The following CSMD1 variants were observed in gnomAD, a reference collection of about 807,000 sequenced individuals.
CSMD1 encodes CUB and sushi domain-containing protein 1.
Under a neutral mutation model 417.5 loss-of-function variants are expected in CSMD1, and 213 were observed. The ratio of observed to expected loss-of-function variants is 0.51; its 90% CI spans 0.46 to 0.57. CSMD1 has a LOEUF of 0.57. CSMD1 is among the 20% of genes least tolerant of loss of function. CSMD1 has a pLI of 0.00. For missense variants in CSMD1, 6,923 were observed against 4,529.7 expected (o/e 1.53, Z -15.17); for synonymous variants, 2,862 against 1,736.8 (o/e 1.65, Z -16.11).
intron 3 of CSMD1, among the ~76,000 whole-genome samples, chr8:4,160,842 G>C (rs1322186105): frequency 6.6e-6 from 1 of 152,216 alleles, no homozygotes; most frequent in Non-Finnish European, 1.5e-5. Context: ...GGAACTTGAA[G>C]TTTCTAATAT....
At chr8:4,414,876 C>G (rs1554468235) in intron 3 of CSMD1, among the ~76,000 whole-genome samples, 1 of 152,110 alleles carries the variant, frequency 6.6e-6, no homozygotes, top group Non-Finnish European at 1.5e-5. Flanking sequence ...ATATGAGGTG[C>G]CATCTACTGG....
rs182725174 is a variant in CSMD1, at chr8:4,288,862, G to C, written c.415+131091C>G. Among the ~76,000 whole-genome samples the C allele has an allele frequency of 4.9e-4, 74 of 152,232 alleles. 2 individuals are homozygous for C. Among genetic ancestry groups the C allele is most frequent in the Admixed American group, 4.8e-3 (74 of 15,288 alleles). On this transcript the variant is annotated intron_variant, in intron 3 of 69. Coordinates refer to ENST00000635120, the MANE Select transcript of CSMD1 (RefSeq NM_033225.6). ...CTAATATAGGATACCAGTATGCTAT[G>C]AATTATTTTAAGAGTAAATATTAGT...
At chr8:4,629,130 A>C (rs546634999) in intron 2 of CSMD1, among the ~76,000 whole-genome samples, 2 of 152,204 alleles carry the variant, frequency 1.3e-5, no homozygotes, top group Non-Finnish European at 2.9e-5. Context: ...ATGAAACAAA[A>C]AGCATTCCTT....
chr8:3,472,053 C>A (rs1463453045), intron 11 of CSMD1, among the ~76,000 whole-genome samples: 1 of 152,102 alleles, frequency 6.6e-6, no homozygotes, highest in Admixed American at 6.5e-5. Context: ...CAACATGACT[C>A]TACTGCTGTC....
intron 9 of CSMD1, among the ~76,000 whole-genome samples, chr8:3,580,893 T>G (rs1800354581): frequency 6.6e-6 from 1 of 152,192 alleles, no homozygotes; most frequent in South Asian, 2.1e-4. Flanking sequence ...GCTGTAAAAG[T>G]TTTTGGTAAA....
chr8:2,938,864 A>C (rs1256825603), intron 69 of CSMD1, 120 bp from the exon 70 acceptor site: 18 of 839,832 alleles, frequency 2.1e-5, no homozygotes, highest in Non-Finnish European at 2.8e-5. Context: ...GGACGTTTGC[A>C]AAGAAGGAAG....
intron 3 of CSMD1, among the ~76,000 whole-genome samples, chr8:4,324,120 C>T (rs959785344): frequency 6.6e-6 from 1 of 152,152 alleles, no homozygotes; most frequent in African/African-American, 2.4e-5. Flanking sequence ...TAAAAATCTC[C>T]TGCCTTAACT....
intron 50 of CSMD1, among the ~76,000 whole-genome samples, chr8:3,047,182 T>C (rs1346771063): frequency 7.3e-6 from 1 of 136,474 alleles, no homozygotes; most frequent in Admixed American, 8.0e-5. Context: ...CCACTGCACT[T>C]CAGCCCAGGC....
At chr8:3,572,730 C>G (rs927183879) in intron 10 of CSMD1, among the ~76,000 whole-genome samples, 1 of 152,144 alleles carries the variant, frequency 6.6e-6, no homozygotes, top group East Asian at 1.9e-4. Context: ...ATCTCAATCC[C>G]TTTAATATAA....
chr8:4,601,605 C>A (rs1444747226), intron 2 of CSMD1, among the ~76,000 whole-genome samples: 1 of 152,118 alleles, frequency 6.6e-6, no homozygotes, highest in Non-Finnish European at 1.5e-5. Context: ...TACTTTCCTG[C>A]CAGCCTTCAA....
chr8:4,771,714 G>A (rs887137624), intron 1 of CSMD1, among the ~76,000 whole-genome samples: 1 of 152,206 alleles, frequency 6.6e-6, no homozygotes. Flanking sequence ...CAGCATGTCA[G>A]GCTAGCGGAG....
intron 10 of CSMD1, among the ~76,000 whole-genome samples, chr8:3,502,593 G>T (rs1311107722): frequency 6.6e-6 from 1 of 152,142 alleles, no homozygotes; most frequent in African/African-American, 2.4e-5. Flanking sequence ...ATTTTACCAA[G>T]TGAAACAAGC....
chr8:3,669,008 C>A (rs1387592920), intron 7 of CSMD1, among the ~76,000 whole-genome samples: 1 of 152,106 alleles, frequency 6.6e-6, no homozygotes, highest in Non-Finnish European at 1.5e-5. Flanking sequence ...GGAAATCTTT[C>A]ATTAAACAGA....
At chr8:3,115,770 C>A (rs185500896) in intron 42 of CSMD1, among the ~76,000 whole-genome samples, 3 of 152,054 alleles carry the variant, frequency 2.0e-5, no homozygotes, top group Admixed American at 2.0e-4. Flanking sequence ...AAGACTGATG[C>A]CTTGGGATTT....
chr8:4,766,098 T>C (rs1348785802), intron 1 of CSMD1, among the ~76,000 whole-genome samples: 1 of 152,190 alleles, frequency 6.6e-6, no homozygotes, highest in African/African-American at 2.4e-5. Flanking sequence ...GGTTATTACA[T>C]TAATAATATT....
intron 3 of CSMD1, among the ~76,000 whole-genome samples, chr8:4,354,108 T>C (rs1401952740): frequency 2.6e-5 from 4 of 152,196 alleles, no homozygotes; most frequent in Non-Finnish European, 4.4e-5. Flanking sequence ...TCTCGTTAAC[T>C]TGCCCAAGAA....
intron 13 of CSMD1, 84 bp downstream of exon 13, chr8:3,409,339 G>T: frequency 7.8e-7 from 1 of 1,284,112 alleles, no homozygotes; most frequent in Non-Finnish European, 1.0e-6. Context: ...CTCCCTAAAT[G>T]GGCGGTCTGT....
intron 1 of CSMD1, among the ~76,000 whole-genome samples, chr8:4,660,553 T>C (rs942824207): frequency 3.3e-5 from 5 of 152,044 alleles, no homozygotes; most frequent in African/African-American, 9.7e-5. Context: ...ACAAAGGAAC[T>C]GGAATACCTA....
chr8:4,293,258 G>A (rs1482588216), intron 3 of CSMD1, among the ~76,000 whole-genome samples: 1 of 152,142 alleles, frequency 6.6e-6, no homozygotes. Context: ...GTCGTGGAGA[G>A]ACACAACAAG....
Sources: gnomAD v4.1 joint callset for allele counts (sites outside exome capture counted in the v4.1 genomes callset) on GRCh38, gnomAD v4.1.1 for gene constraint, MANE v1.5 for transcripts, NCBI Gene and HGNC (gene_info 2026-07-23, HGNC 2026-07-21) for gene names.